FAM135B: variants seen among roughly 807,000 people sequenced by gnomAD.
The protein encoded by FAM135B is family with sequence similarity 135 member B.
Under a neutral mutation model 127.7 loss-of-function variants are expected in FAM135B, and 43 were observed. That is an observed-to-expected ratio of 0.34 (90% CI 0.26 to 0.43). The LOEUF (loss-of-function observed/expected upper bound fraction) is 0.43. Ranked by LOEUF, FAM135B falls within the 20% of genes least tolerant of loss-of-function variation. The probability of loss-of-function intolerance (pLI) is 1.00; values close to 1 mark genes in which losing one functional copy is unlikely to be tolerated. For missense variants in FAM135B, 1,558 were observed against 1,725.6 expected, an observed-to-expected ratio of 0.90 and a Z score of 1.72; for synonymous variants, 670 against 665.1, an observed-to-expected ratio of 1.01 and a Z score of -0.11.
At chr8:138,465,265 T>G (rs1232426892) in intron 1 of FAM135B, among the ~76,000 whole-genome samples, 1 of 152,192 alleles carries the variant, frequency 6.6e-6, no homozygotes, top group Non-Finnish European at 1.5e-5. Context: ...CCCATCATGG[T>G]CCTTTCCTAG....
intron 2 of FAM135B, among the ~76,000 whole-genome samples, chr8:138,327,777 C>T (rs1167857000): frequency 6.6e-6 from 1 of 152,122 alleles, no homozygotes; most frequent in Non-Finnish European, 1.5e-5. Flanking sequence ...CATAGGAAAC[C>T]CCTCAGGACT....
chr8:138,439,373 A>G (rs1323028621), intron 1 of FAM135B: 1 of 152,194 alleles, frequency 6.6e-6, no homozygotes, highest in East Asian at 1.9e-4. Flanking sequence ...ATGAATTCAG[A>G]CCTGCCTGAT....
At chr8:138,253,020 C>G (rs563371133) in intron 5 of FAM135B, among the ~76,000 whole-genome samples, 1 of 152,226 alleles carries the variant, frequency 6.6e-6, no homozygotes, top group South Asian at 2.1e-4. Flanking sequence ...AGGCTGGTCT[C>G]GAATTCCTAA....
At chr8:138,405,213 C>CT (rs146039265) in intron 1 of FAM135B, among the ~76,000 whole-genome samples, 16,793 of 147,556 alleles carry the variant, frequency 0.11, 1,451 homozygotes, top group African/African-American at 0.24. Flanking sequence ...CTTTTTTTTT[C>CT]TTTTTTTTTT....
chr8:138,300,264 A>AT (rs1326545521), intron 3 of FAM135B, among the ~76,000 whole-genome samples: 6 of 35,166 alleles, frequency 1.7e-4, no homozygotes, highest in Non-Finnish European at 6.1e-4. Context: ...CTTGGGAATA[A>AT]TTAAAAAAAA....
intron 1 of FAM135B, among the ~76,000 whole-genome samples, chr8:138,428,243 G>T (rs114788939): frequency 1.3e-5 from 2 of 152,082 alleles, no homozygotes; most frequent in African/African-American, 4.8e-5. Context: ...GAAGTCTCCC[G>T]TTGACTAAGT....
chr8:138,296,742 C>A (rs1277082709), intron 3 of FAM135B, among the ~76,000 whole-genome samples: 1 of 152,202 alleles, frequency 6.6e-6, no homozygotes, highest in Non-Finnish European at 1.5e-5. Context: ...TTCATCCCAT[C>A]CCTTTTCAAA....
At chr8:138,249,493 T>A (rs1821542381) in intron 6 of FAM135B, among the ~76,000 whole-genome samples, 1 of 152,160 alleles carries the variant, frequency 6.6e-6, no homozygotes, top group Non-Finnish European at 1.5e-5. Flanking sequence ...TACTGCATAT[T>A]CACTTACACT....
chr8:138,393,637 G>A (rs1200475616), intron 1 of FAM135B, among the ~76,000 whole-genome samples: 1 of 152,090 alleles, frequency 6.6e-6, no homozygotes, highest in East Asian at 1.9e-4. Flanking sequence ...AATGCTGAAT[G>A]GAAATATAAC....
At chr8:138,229,325 C>T (rs1221166559) in intron 7 of FAM135B, among the ~76,000 whole-genome samples, 2 of 152,096 alleles carry the variant, frequency 1.3e-5, no homozygotes, top group African/African-American at 2.4e-5. Context: ...TGATCTGACC[C>T]ATCTCCCATT....
Position 138,143,120 on chromosome 8 carries a change from A to G in FAM135B, c.3541-11T>C, listed in dbSNP as rs752814964. The G allele has an allele frequency of 4.0e-6, 6 of 1,485,608 alleles. No homozygotes were observed. The African/African-American group carries it at 6.9e-5, about 17-fold the overall frequency. The allele number at this position is 1,485,608 out of a possible 1,614,324, so 92.0% of individuals were successfully genotyped here. ...TGCAAATGTGTCCATCTGGAAGAAG[A>G]GAGAGGAACAGGTGTTGGGTATGGT... is the stretch of plus-strand genomic sequence containing the variant. On this transcript the variant is annotated splice_polypyrimidine_tract_variant and intron_variant, in intron 15 of 19. Coordinates refer to ENST00000395297, the MANE Select transcript of FAM135B (RefSeq NM_015912.4).
intron 1 of FAM135B, among the ~76,000 whole-genome samples, chr8:138,368,398 T>C (rs1587255629): frequency 6.6e-6 from 1 of 152,314 alleles, no homozygotes; most frequent in Middle Eastern, 3.4e-3. Context: ...ACTTCTCCCA[T>C]CTTCAGTGTT....
rs1339869214 is a variant in FAM135B at position 138,485,074 on chromosome 8, A to T, written c.-20+11597T>A. 3.3e-5 allele frequency among the ~76,000 whole-genome samples: 5 copies of T among 152,244 alleles called. No individual in the cohort carries two copies. The East Asian group carries it at 5.8e-4, about 18-fold the overall frequency. ...TGTGCTCCAGAAATTAATTTTCCAG[A>T]TAACTAATATCAAGTCCTTTAAACA... On this transcript the variant is annotated intron_variant, in intron 1 of 19. Transcript: ENST00000395297.
chr8:138,335,898 C>G (rs999834720), intron 2 of FAM135B, among the ~76,000 whole-genome samples: 1 of 152,186 alleles, frequency 6.6e-6, no homozygotes, highest in Admixed American at 6.5e-5. Context: ...GAAATTATCA[C>G]AAACTGTCTC....
intron 1 of FAM135B, among the ~76,000 whole-genome samples, chr8:138,423,303 C>T (rs1045279326): frequency 2.0e-5 from 3 of 152,128 alleles, no homozygotes; most frequent in Non-Finnish European, 4.4e-5. Context: ...TTGCTTTCTA[C>T]TTAGGGAGAT....
At chr8:138,469,469 A>AT (rs1453764795) in intron 1 of FAM135B, among the ~76,000 whole-genome samples, 1 of 152,192 alleles carries the variant, frequency 6.6e-6, no homozygotes, top group Non-Finnish European at 1.5e-5. Flanking sequence ...CTGAGAAAGG[A>AT]GCAGGGTGTG....
intron 3 of FAM135B, among the ~76,000 whole-genome samples, chr8:138,305,386 G>GA (rs750052906): frequency 1.3e-5 from 2 of 151,898 alleles, no homozygotes; most frequent in Non-Finnish European, 2.9e-5. Flanking sequence ...CCCCCTAAGG[G>GA]AAAAAAATAA....
chr8:138,281,262 C>T (rs1256431389), intron 3 of FAM135B, among the ~76,000 whole-genome samples: 1 of 152,010 alleles, frequency 6.6e-6, no homozygotes, highest in African/African-American at 2.4e-5. Context: ...CAGATTCGTC[C>T]CAATAATGTT....
chr8:138,174,393 G>A (rs1276371344), intron 11 of FAM135B, among the ~76,000 whole-genome samples: 2 of 152,066 alleles, frequency 1.3e-5, no homozygotes, highest in African/African-American at 4.8e-5. Context: ...CTCCAGGTGT[G>A]CAGAACCACG....
Sources: allele counts gnomAD v4.1 joint callset (sites outside exome capture counted in the v4.1 genomes callset), GRCh38; gene constraint gnomAD v4.1.1; transcripts MANE v1.5; gene names NCBI Gene and HGNC (gene_info 2026-07-23, HGNC 2026-07-21).